NRAP: variants seen among roughly 807,000 people sequenced by gnomAD.
NRAP encodes the protein nebulin related anchoring protein.
NRAP carries 189 observed loss-of-function variants against 225.9 expected under a neutral mutation model. That is an observed-to-expected ratio of 0.84 (90% CI 0.74 to 0.94). The LOEUF (loss-of-function observed/expected upper bound fraction) is 0.94, where lower values mean the gene tolerates loss of function less well. Ranked by LOEUF, NRAP falls within the 40% of genes least tolerant of loss-of-function variation. NRAP has a pLI of 0.00. For missense variants in NRAP, 2,176 were observed against 2,168.7 expected (o/e 1.00, Z -0.07); for synonymous variants, 769 against 790.7 (o/e 0.97, Z 0.46).
At chr10:113,648,437 TTCTCTC>T (rs376144953) in intron 9 of NRAP, among the ~76,000 whole-genome samples, 126 of 66,050 alleles carry the variant, frequency 1.9e-3, no homozygotes, top group African/African-American at 4.3e-3. Context: ...TTATTTTAGT[TTCTCTC>T]TCTCTCTCTC....
In NRAP at chr10:113,629,741, G is replaced by C; in HGVS notation, c.1887C>G (p.His629Gln). The C allele has an allele frequency of 1.2e-6, 2 of 1,613,956 alleles. No homozygotes were observed. The highest frequency in any genetic ancestry group is 1.7e-6 in the Non-Finnish European group (2 of 1,179,824). ...TGATGTTTACCATATCCATGGGCAG[G>C]TGAAACCGGGTCTTACTCTCTTCAA... is the stretch of plus-strand genomic sequence containing the variant. ...KGFEESKTRF[H>Q]LPMDMVNIRH... The change falls in exon 19 of 42, where the codon CAC (histidine) becomes CAG (glutamine). Residue 629 changes from histidine to glutamine, a missense_variant. Coordinates refer to ENST00000359988, the MANE Select transcript of NRAP (RefSeq NM_198060.4).
At chr10:113,597,235 T>C in intron 36 of NRAP, 51 bp from the exon 37 acceptor site, 1 of 1,144,348 alleles carries the variant, frequency 8.7e-7, no homozygotes, top group Non-Finnish European at 1.3e-6. Flanking sequence ...ACATCATGCA[T>C]CTTTCAGGGT....
rs1394232981 is a variant in NRAP, at chr10:113,641,585, T to C, written c.1216-113A>G. 6.1e-6 allele frequency: 4 copies of C among 655,952 alleles called. No homozygotes were observed. In the Admixed American group the frequency reaches 8.3e-5, roughly 14 times the overall value. The allele number at this position is 655,952 out of a possible 1,614,324, so 40.6% of individuals were successfully genotyped here. ...GGCATAAATGATTAAATATAACCCATTTAAATAGTCAACGTATCACAGAAT... is the reference window on the plus strand; with the variant it reads ...GGCATAAATGATTAAATATAACCCACTTAAATAGTCAACGTATCACAGAAT... On this transcript the variant is annotated intron_variant, in intron 12 of 41. Transcript: ENST00000359988.
intron 32 of NRAP, among the ~76,000 whole-genome samples, chr10:113,606,642 G>A (rs573119296): frequency 6.6e-6 from 1 of 152,206 alleles, no homozygotes; most frequent in African/African-American, 2.4e-5. Context: ...GAGAAGGGAG[G>A]TGGAAGGGAC....
intron 35 of NRAP, among the ~76,000 whole-genome samples, chr10:113,600,343 T>G (rs1846529203): frequency 6.6e-6 from 1 of 151,778 alleles, no homozygotes; most frequent in African/African-American, 2.4e-5. Context: ...GCCTCATTTT[T>G]TTTTATTTTC....
intron 14 of NRAP, among the ~76,000 whole-genome samples, chr10:113,635,325 G>A (rs1429345343): frequency 6.6e-6 from 1 of 152,248 alleles, no homozygotes; most frequent in Non-Finnish European, 1.5e-5. Context: ...ACTAAGGTGA[G>A]CTGAGTGAAA....
intron 4 of NRAP, 123 bp from the exon 5 acceptor site, chr10:113,654,248 C>A: frequency 1.6e-6 from 1 of 610,198 alleles, no homozygotes. Context: ...TCCTGGGTCT[C>A]AGCTAACTGA....
At chr10:113,611,715 T>A (rs1212042184) in intron 30 of NRAP, among the ~76,000 whole-genome samples, 1 of 152,162 alleles carries the variant, frequency 6.6e-6, no homozygotes, top group Non-Finnish European at 1.5e-5. Context: ...TCCCAACAGA[T>A]CTTAGCCCTC....
chr10:113,588,882 C>A lies in NRAP; in HGVS notation c.*93G>T. On this transcript the variant is annotated 3_prime_UTR_variant, in exon 42 of 42. Coordinates refer to ENST00000359988, the MANE Select transcript of NRAP (RefSeq NM_198060.4). ...GGAAGATCTGGGATGGGCTGGTGGG[C>A]CATTCCAGCTTGCCGAAATCAAAGC... 1 of 885,942 alleles carries A rather than the reference C, an allele frequency of 1.1e-6. No individual in the cohort carries two copies. The highest frequency in any genetic ancestry group is 1.5e-5 in the South Asian group (1 of 67,778). 54.9% of individuals were successfully genotyped at this position (885,942 alleles called of 1,614,324 possible).
intron 5 of NRAP, 138 bp from the exon 6 acceptor site, chr10:113,653,177 TG>T: frequency 1.7e-6 from 1 of 572,074 alleles, no homozygotes; most frequent in Non-Finnish European, 3.0e-6. Context: ...AATTTAAAAA[TG>T]GCTTATAATT....
intron 38 of NRAP, 117 bp from the exon 39 acceptor site, chr10:113,592,418 T>C: frequency 1.7e-6 from 1 of 576,150 alleles, no homozygotes; most frequent in Non-Finnish European, 3.0e-6. Context: ...CGGCACAGCC[T>C]ATAGCTCCAT....
intron 11 of NRAP, among the ~76,000 whole-genome samples, chr10:113,645,567 G>A (rs1218017844): frequency 1.3e-5 from 2 of 152,074 alleles, no homozygotes; most frequent in African/African-American, 4.8e-5. Flanking sequence ...ACAGTCATGC[G>A]CCACCACACC....
At chr10:113,600,122 G>C (rs1471991476) in intron 35 of NRAP, among the ~76,000 whole-genome samples, 1 of 149,212 alleles carries the variant, frequency 6.7e-6, no homozygotes, top group Non-Finnish European at 1.5e-5. Flanking sequence ...ATTTCATTCA[G>C]TCCTCACACC....
chr10:113,596,523 G>C (rs1162535390), intron 37 of NRAP, among the ~76,000 whole-genome samples: 1 of 152,196 alleles, frequency 6.6e-6, no homozygotes. Flanking sequence ...AATAAAGACA[G>C]GAATGAGGAA....
chr10:113,663,533 T>G, intron 1 of NRAP, 87 bp from the exon 2 acceptor site: 2 of 850,508 alleles, frequency 2.4e-6, no homozygotes, highest in East Asian at 2.6e-5. Context: ...AAAAATGAAC[T>G]TCGAGGATAA....
intron 6 of NRAP, among the ~76,000 whole-genome samples, chr10:113,652,504 G>T (rs946722537): frequency 2.6e-5 from 4 of 152,006 alleles, no homozygotes; most frequent in African/African-American, 9.7e-5. Context: ...AATTAGCTGG[G>T]TGTGGTGGCA....
In NRAP at chr10:113,645,870, G is replaced by A. The variant is rs570465554; in HGVS notation, c.1065C>T (p.Asn355=). 1 of 1,611,000 alleles carries A rather than the reference G, an allele frequency of 6.2e-7. No homozygotes were observed. The highest frequency in any genetic ancestry group is 1.1e-5 in the South Asian group (1 of 90,806). Reference sequence around the variant, plus strand: ...CGCTCTGAGCCTGTTTGAGAACCAAGTTGTCTTGAGCTGGAAGCGAGTGAT... The same window carrying A: ...CGCTCTGAGCCTGTTTGAGAACCAAATTGTCTTGAGCTGGAAGCGAGTGAT... ...AHYHSLPAQD[N]LVLKQAQSVN... Residue 355 remains asparagine (N), a synonymous_variant, in exon 11 of 42, where the codon AAC becomes AAT. Coordinates refer to ENST00000359988, the MANE Select transcript of NRAP (RefSeq NM_198060.4).
rs1216226132 is a variant in NRAP, at chr10:113,588,869, A to G, written c.*106T>C. The G allele has an allele frequency of 5.2e-6, 4 of 771,524 alleles. No individual in the cohort carries two copies. The highest frequency in any genetic ancestry group is 9.1e-6 in the Non-Finnish European group (4 of 441,514). The allele number at this position is 771,524 out of a possible 1,614,324, so 47.8% of individuals were successfully genotyped here. Reference sequence around the variant, plus strand: ...TTATTTTAATAAAGGAAGATCTGGGATGGGCTGGTGGGCCATTCCAGCTTG... The same window carrying G: ...TTATTTTAATAAAGGAAGATCTGGGGTGGGCTGGTGGGCCATTCCAGCTTG... On this transcript the variant is annotated 3_prime_UTR_variant, in exon 42 of 42. Transcript: ENST00000359988.
In NRAP at chr10:113,597,183, G is replaced by A. The variant is rs1423477846; in HGVS notation, c.4334C>T (p.Thr1445Ile). The stretch of plus-strand genomic sequence containing the variant: ...ACTGTCTGGTTTTTTACGGTACTTG[G>A]TCTATAAGATAAAGACAAAGATTCT... ...AKKAGELISE[T>I]KYRKKPDSIK... Residue 1445 changes from threonine to isoleucine, a missense_variant and splice_region_variant, in exon 37 of 42, where the codon ACC (threonine) becomes ATC (isoleucine). Physicochemically the swap from Thr to Ile is moderately conservative, Grantham distance 89. Transcript: ENST00000359988. 1 of 1,594,914 alleles carries A rather than the reference G, an allele frequency of 6.3e-7. No individual in the cohort carries two copies. The highest frequency in any genetic ancestry group is 8.6e-7 in the Non-Finnish European group (1 of 1,162,606).
Sources: allele counts gnomAD v4.1 joint callset (sites outside exome capture counted in the v4.1 genomes callset), GRCh38; gene constraint gnomAD v4.1.1; transcripts MANE v1.5; gene names NCBI Gene and HGNC (gene_info 2026-07-23, HGNC 2026-07-21).